TENM2: variants seen among roughly 807,000 people sequenced by gnomAD.
TENM2 encodes the protein teneurin transmembrane protein 2, also known as teneurin-2.
In TENM2, 52 loss-of-function variants were observed where a neutral mutation model predicts 245.2. The observed-to-expected ratio is 0.21, with a 90% CI of 0.17 to 0.27. TENM2 has a LOEUF of 0.27. Ranked by LOEUF, TENM2 falls within the 10% of genes least tolerant of loss-of-function variation. TENM2 has a pLI of 1.00. For synonymous variants in TENM2, 1,363 were observed against 1,438.9 expected (o/e 0.95, Z 1.19); for missense variants, 3,046 against 3,666.8 (o/e 0.83, Z 4.37).
intron 3 of TENM2, among the ~76,000 whole-genome samples, chr5:167,882,583 C>T (rs776203709): frequency 3.3e-5 from 5 of 152,250 alleles, no homozygotes; most frequent in Non-Finnish European, 5.9e-5. Context: ...CCTAAGGAAA[C>T]GTACAATCAT....
At chr5:167,097,474 G>A in the TENM2 span, among the ~76,000 whole-genome samples, 1 of 152,086 alleles carries the variant, frequency 6.6e-6, no homozygotes, top group Admixed American at 6.5e-5. Flanking sequence ...CATAGGGATA[G>A]TCAGAGATGG....
intron 2 of TENM2, among the ~76,000 whole-genome samples, chr5:167,511,971 G>A (rs962478336): frequency 1.3e-5 from 2 of 152,080 alleles, no homozygotes; most frequent in African/African-American, 2.4e-5. Flanking sequence ...CCTTTTATAG[G>A]CAGAACACAT....
chr5:167,455,851 C>T (rs1015538755), intron 2 of TENM2, among the ~76,000 whole-genome samples: 2 of 152,108 alleles, frequency 1.3e-5, no homozygotes, highest in African/African-American at 4.8e-5. Flanking sequence ...GCACCTTGAC[C>T]TCCAACAGAC....
intron 2 of TENM2, among the ~76,000 whole-genome samples, chr5:167,643,803 T>C (rs937244113): frequency 1.3e-5 from 2 of 152,206 alleles, no homozygotes; most frequent in African/African-American, 4.8e-5. Context: ...AAAAACAAAG[T>C]TCTAGGCATT....
intron 14 of TENM2, among the ~76,000 whole-genome samples, chr5:168,191,588 G>C (rs1760965992): frequency 6.6e-6 from 1 of 152,020 alleles, no homozygotes; most frequent in Non-Finnish European, 1.5e-5. Flanking sequence ...TGGGTAGGAT[G>C]GTCCTGGCCC....
intron 2 of TENM2, among the ~76,000 whole-genome samples, chr5:167,461,071 G>A (rs903531671): frequency 2.0e-4 from 30 of 152,224 alleles, no homozygotes; most frequent in South Asian, 1.0e-3. Context: ...TCACTATAGC[G>A]CCATAGTACT....
chr5:168,107,282 GGCTACCAACCTCTCCAT>G (rs931065049), intron 9 of TENM2, among the ~76,000 whole-genome samples: 7 of 151,880 alleles, frequency 4.6e-5, no homozygotes, highest in African/African-American at 1.7e-4. Context: ...CTGCTCACTC[GGCTACCAACCTCTCCAT>G]GATGGTATTT....
the TENM2 span, among the ~76,000 whole-genome samples, chr5:167,196,139 A>T: frequency 1.3e-5 from 2 of 152,076 alleles, no homozygotes; most frequent in Non-Finnish European, 2.9e-5. Context: ...TAGGCTATAG[A>T]TCTGTATAGC....
intron 2 of TENM2, among the ~76,000 whole-genome samples, chr5:167,452,820 T>C (rs1026630982): frequency 2.0e-5 from 3 of 150,366 alleles, no homozygotes; most frequent in Admixed American, 6.7e-5. Flanking sequence ...TTAGGAGATA[T>C]ACCTAATGTA....
chr5:167,533,787 C>T (rs1382018654), intron 2 of TENM2, among the ~76,000 whole-genome samples: 2 of 152,064 alleles, frequency 1.3e-5, no homozygotes, highest in Non-Finnish European at 2.9e-5. Context: ...TGTTAAGTAA[C>T]ATAGCATGGC....
At chr5:167,311,577 C>T (rs1004838567) in intron 1 of TENM2, among the ~76,000 whole-genome samples, 2 of 152,052 alleles carry the variant, frequency 1.3e-5, no homozygotes, top group African/African-American at 4.8e-5. Context: ...AATCTTTTTC[C>T]CAATGGAATT....
the TENM2 span, among the ~76,000 whole-genome samples, chr5:166,998,600 T>C: frequency 6.6e-6 from 1 of 152,216 alleles, no homozygotes; most frequent in African/African-American, 2.4e-5. Context: ...ATCTAGTTTC[T>C]TCTACAAAAT....
the TENM2 span, among the ~76,000 whole-genome samples, chr5:167,071,464 T>C: frequency 6.6e-6 from 1 of 152,160 alleles, no homozygotes; most frequent in African/African-American, 2.4e-5. Context: ...GCTTGCCAAG[T>C]TGAAGACTTG....
At position 168,036,677 on chromosome 5, in the gene TENM2, GTATATATATATA is replaced by G. The variant is rs60784450; in HGVS notation, c.1187-10738_1187-10727del. ...ATATATATATATAATATATGTATGT[GTATATATATATA>G]TATATATATATGTATGTGTATATAT... On this transcript the variant is annotated intron_variant, in intron 5 of 28. Coordinates refer to ENST00000518659, the Ensembl canonical transcript of TENM2. 1.4e-3 allele frequency among the ~76,000 whole-genome samples: 170 copies of G among 117,794 alleles called. 5 individuals are homozygous for G. The highest frequency in any genetic ancestry group is 5.6e-3 in the African/African-American group (164 of 29,526). 77.3% of individuals were successfully genotyped at this position (117,794 alleles called of 152,430 possible).
intron 27 of TENM2, among the ~76,000 whole-genome samples, chr5:168,257,541 G>A (rs187408035): frequency 6.4e-4 from 98 of 152,228 alleles, no homozygotes; most frequent in Admixed American, 1.5e-3. Flanking sequence ...GAAGGACTTT[G>A]GCTTTTTCAA....
intron 2 of TENM2, among the ~76,000 whole-genome samples, chr5:167,785,589 T>C (rs1764521202): frequency 6.6e-6 from 1 of 152,172 alleles, no homozygotes; most frequent in African/African-American, 2.4e-5. Context: ...CCTTCATCAA[T>C]AGAGTAATCC....
intron 3 of TENM2, among the ~76,000 whole-genome samples, chr5:167,907,325 C>T (rs1240843205): frequency 6.6e-6 from 1 of 151,276 alleles, no homozygotes; most frequent in Admixed American, 6.6e-5. Context: ...ATATTCCATA[C>T]ATTTACATGT....
At position 167,573,066 on chromosome 5, in the gene TENM2, G is replaced by A. The variant is rs115598145; in HGVS notation, c.502+197593G>A. ...TTTTGTAGTGCTAATATTTTGGTGT[G>A]GGCTCTTTTTTTTTTTCTTTAAGAC... On this transcript the variant is annotated intron_variant, in intron 2 of 28. Coordinates refer to ENST00000518659, the Ensembl canonical transcript of TENM2. 8.7e-3 allele frequency among the ~76,000 whole-genome samples: 945 copies of A among 108,622 alleles called. 13 individuals carry two copies. The highest frequency in any genetic ancestry group is 0.023 in the African/African-American group (894 of 39,356). 71.3% of individuals were successfully genotyped at this position (108,622 alleles called of 152,430 possible).
chr5:167,876,339 C>A, intron 3 of TENM2, 144 bp downstream of exon 5: 2 of 718,434 alleles, frequency 2.8e-6, no homozygotes, highest in Non-Finnish European at 4.7e-6. Flanking sequence ...CATTTTGTGG[C>A]ATGGTATTTT....
Sources: gnomAD v4.1 joint callset for allele counts (sites outside exome capture counted in the v4.1 genomes callset) on GRCh38, gnomAD v4.1.1 for gene constraint, MANE v1.5 for transcripts, NCBI Gene and HGNC (gene_info 2026-07-23, HGNC 2026-07-21) for gene names.